VSIG10L2: variants seen among roughly 807,000 people sequenced by gnomAD.
VSIG10L2 encodes V-set and immunoglobulin domain containing 10 like 2.
VSIG10L2 carries 56 observed loss-of-function variants against 67.1 expected under a neutral mutation model. The observed-to-expected ratio is 0.83, with a 90% CI of 0.67 to 1.04. The LOEUF (loss-of-function observed/expected upper bound fraction) is 1.04, where lower values mean the gene tolerates loss of function less well. Ranked by LOEUF, VSIG10L2 falls within the 50% of genes least tolerant of loss-of-function variation. The pLI, the probability that VSIG10L2 is intolerant of heterozygous loss-of-function variation, is 0.00. For missense variants in VSIG10L2, 843 were observed against 932.8 expected (o/e 0.90, Z 1.25); for synonymous variants, 360 against 396.6 (o/e 0.91, Z 1.10).
intron 6 of VSIG10L2, among the ~76,000 whole-genome samples, chr11:125,952,537 G>A (rs972207569): frequency 2.0e-5 from 3 of 152,128 alleles, no homozygotes; most frequent in Non-Finnish European, 4.4e-5. Context: ...CCATATTGAC[G>A]TGGCTGGTCA....
chr11:125,955,552 A>G, intron 10 of VSIG10L2, 46 bp downstream of exon 10: 1 of 1,384,158 alleles, frequency 7.2e-7, no homozygotes, highest in Admixed American at 2.0e-5. Context: ...GCTTTCCTCC[A>G]GTTGGAAAGG....
At position 125,954,184 on chromosome 11, in the gene VSIG10L2, C is replaced by T; in HGVS notation, c.1884C>T (p.Asn628=). Reference sequence around the variant, plus strand: ...AATGGGCCATCTTAGGACCCGGGAACCTGACGGGCTTCCTGGTGCAGCGGA... The same window carrying T: ...AATGGGCCATCTTAGGACCCGGGAATCTGACGGGCTTCCTGGTGCAGCGGA... ...QLQWAILGPG[N]LTGFLVQRKA... Residue 628 remains asparagine, a synonymous_variant, in exon 8 of 12, where the codon AAC becomes AAT. Coordinates refer to ENST00000686984, the MANE Select transcript of VSIG10L2 (RefSeq NM_001365077.2). The T allele has an allele frequency of 1.6e-6, 2 of 1,232,258 alleles. No homozygotes were observed. Among genetic ancestry groups the T allele is most frequent in the Non-Finnish European group, 2.0e-6 (2 of 988,036 alleles). The allele number at this position is 1,232,258 out of a possible 1,614,324, so 76.3% of individuals were successfully genotyped here. A position where few individuals can be genotyped will look rare whatever the true frequency, so the allele number is the denominator to read the frequency against.
At chr11:125,955,553 G>C in intron 10 of VSIG10L2, 47 bp downstream of exon 10, 1 of 1,401,572 alleles carries the variant, frequency 7.1e-7, no homozygotes, top group Non-Finnish European at 9.7e-7. Context: ...CTTTCCTCCA[G>C]TTGGAAAGGA....
intron 6 of VSIG10L2, among the ~76,000 whole-genome samples, chr11:125,952,899 C>A (rs1267876493): frequency 6.6e-6 from 1 of 152,208 alleles, no homozygotes; most frequent in Non-Finnish European, 1.5e-5. Flanking sequence ...AGGTCTCAAC[C>A]CCAAATATTT....
At chr11:125,951,512 G>A (rs1201674700) in intron 5 of VSIG10L2, among the ~76,000 whole-genome samples, 2 of 152,234 alleles carry the variant, frequency 1.3e-5, no homozygotes, top group African/African-American at 4.8e-5. Context: ...TGTGCAGAGA[G>A]AAACTCCCAG....
intron 9 of VSIG10L2, 24 bp downstream of exon 9, chr11:125,955,203 G>T: frequency 8.0e-7 from 1 of 1,256,106 alleles, no homozygotes; most frequent in Non-Finnish European, 1.0e-6. Flanking sequence ...GGAAGGGACG[G>T]GCTGCTTGAC....
rs1945404200 is a variant in VSIG10L2, at chr11:125,953,387, T to G, written c.1496-13T>G. 6 of 1,232,404 alleles carry G rather than the reference T, an allele frequency of 4.9e-6. No individual in the cohort carries two copies. The highest frequency in any genetic ancestry group is 6.1e-6 in the Non-Finnish European group (6 of 988,224). The allele number at this position is 1,232,404 out of a possible 1,614,324, so 76.3% of individuals were successfully genotyped here. ...CCTCCCACTAGCCGGCCTCATCCTC[T>G]CTGTCCCCGCAGAAGCCCCACAGCT... On this transcript the variant is annotated splice_polypyrimidine_tract_variant and intron_variant, in intron 6 of 11. Transcript: ENST00000686984.
intron 6 of VSIG10L2, 122 bp from the exon 7 acceptor site, chr11:125,953,278 C>A: frequency 1.2e-6 from 1 of 820,266 alleles, no homozygotes; most frequent in Non-Finnish European, 1.6e-6. Context: ...TGGCCCCAGA[C>A]AAGCCTCATT....
intron 4 of VSIG10L2, among the ~76,000 whole-genome samples, 187 bp from the exon 5 acceptor site, chr11:125,950,723 C>G (rs1209605309): frequency 1.3e-5 from 2 of 152,086 alleles, no homozygotes; most frequent in South Asian, 2.1e-4. Flanking sequence ...AACCTCCTGC[C>G]CCTGACCTGA....
rs1378922189 is a variant in VSIG10L2, at chr11:125,947,698, C to T, written c.95C>T (p.Pro32Leu). Residue 32 changes from proline to leucine, a missense_variant, in exon 2 of 12, where the codon CCG (proline) becomes CTG (leucine). Coordinates refer to ENST00000686984, the MANE Select transcript of VSIG10L2 (RefSeq NM_001365077.2). ...LHLRASGQPH[P>L]TPEAPVEEVV... ...CTTCTCTCCCCAGGCCAGCCCCACC[C>T]GACCCCCGAGGCCCCTGTAGAGGAG... is the stretch of plus-strand genomic sequence containing the variant. 4 of 1,232,364 alleles carry T rather than the reference C, an allele frequency of 3.2e-6. No homozygotes were observed. The highest frequency in any genetic ancestry group is 3.1e-4 in the Middle Eastern group (1 of 3,214). 76.3% of individuals were successfully genotyped at this position (1,232,364 alleles called of 1,614,324 possible).
chr11:125,950,562 C>T (rs544956772), intron 4 of VSIG10L2, among the ~76,000 whole-genome samples: 3 of 152,242 alleles, frequency 2.0e-5, no homozygotes, highest in African/African-American at 7.2e-5. Flanking sequence ...CATGGCCCTG[C>T]GGACTGAACT....
intron 3 of VSIG10L2, among the ~76,000 whole-genome samples, chr11:125,949,693 G>C (rs1945339934): frequency 1.3e-5 from 2 of 152,174 alleles, no homozygotes; most frequent in African/African-American, 4.8e-5. Context: ...CCGAATGTCT[G>C]CTTCCAAGAG....
chr11:125,948,341 C>T lies in VSIG10L2; in HGVS notation c.470C>T (p.Pro157Leu), dbSNP rs1945322163. The T allele has an allele frequency of 3.2e-6, 4 of 1,232,576 alleles. No individual in the cohort carries two copies. The highest frequency in any genetic ancestry group is 3.1e-4 in the Middle Eastern group (1 of 3,212). 76.4% of individuals were successfully genotyped at this position (1,232,576 alleles called of 1,614,324 possible). Residue 157 changes from proline (P) to leucine (L), a missense_variant, in exon 3 of 12, where the codon CCG (proline) becomes CTG (leucine). Physicochemically the swap from Pro to Leu is moderately conservative, Grantham distance 98. Coordinates refer to ENST00000686984, the MANE Select transcript of VSIG10L2 (RefSeq NM_001365077.2). Reference protein sequence around the residue: ...VSKPQVRLSNPSPVEGASVVA... With the variant: ...VSKPQVRLSNLSPVEGASVVA... ...AAGCCTCAAGTGCGACTGAGTAACC[C>T]GTCCCCTGTGGAGGGAGCCTCCGTG... is the stretch of plus-strand genomic sequence containing the variant.
chr11:125,949,626 G>C (rs1945339164), intron 3 of VSIG10L2, among the ~76,000 whole-genome samples: 1 of 152,124 alleles, frequency 6.6e-6, no homozygotes, highest in Admixed American at 6.5e-5. Flanking sequence ...GTGGCTGCTG[G>C]GATAGGGTTC....
Position 125,948,341 on chromosome 11 carries a change from C to G in VSIG10L2, c.470C>G (p.Pro157Arg), listed in dbSNP as rs1945322163. 2 of 1,232,576 alleles carry G rather than the reference C, an allele frequency of 1.6e-6. No homozygotes were observed. The highest frequency in any genetic ancestry group is 1.0e-6 in the Non-Finnish European group (1 of 988,332). The allele number at this position is 1,232,576 out of a possible 1,614,324, so 76.4% of individuals were successfully genotyped here. ...VSKPQVRLSN[P>R]SPVEGASVVA... ...AAGCCTCAAGTGCGACTGAGTAACC[C>G]GTCCCCTGTGGAGGGAGCCTCCGTG... Residue 157 changes from proline (P) to arginine (R), a missense_variant, in exon 3 of 12, where the codon CCG becomes CGG. Pro to Arg is a moderately radical substitution (Grantham distance 103, BLOSUM62 -2). Coordinates refer to ENST00000686984, the MANE Select transcript of VSIG10L2 (RefSeq NM_001365077.2).
At position 125,955,941 on chromosome 11, in the gene VSIG10L2, C is replaced by A; in HGVS notation, c.*27C>A. On this transcript the variant is annotated 3_prime_UTR_variant, in exon 12 of 12. Transcript: ENST00000686984. ...GCCCAAAGAGGAAGATGCAAATAGG[C>A]TTAGGGAGGGCAGGTGGGATTTGGG... 1 of 644,082 alleles carries A rather than the reference C, an allele frequency of 1.6e-6. No individual in the cohort carries two copies. 39.9% of individuals were successfully genotyped at this position (644,082 alleles called of 1,614,324 possible).
intron 3 of VSIG10L2, 29 bp downstream of exon 3, chr11:125,948,609 C>T (rs1591528777): frequency 8.9e-6 from 11 of 1,231,700 alleles, no homozygotes; most frequent in Non-Finnish European, 1.1e-5. Flanking sequence ...GGGGGGCTGT[C>T]AGGGCTGACA....
At chr11:125,948,639 T>G (rs1945325496) in intron 3 of VSIG10L2, 59 bp downstream of exon 3, 1 of 1,229,016 alleles carries the variant, frequency 8.1e-7, no homozygotes. Context: ...CCATCCACAC[T>G]CAGCCTTCCA....
In VSIG10L2 at chr11:125,946,243, G is replaced by T. The variant is rs118138546; in HGVS notation, c.82+106G>T. 1 of 397,560 alleles carries T rather than the reference G, an allele frequency of 2.5e-6. No individual in the cohort carries two copies. The highest frequency in any genetic ancestry group is 4.4e-6 in the Non-Finnish European group (1 of 225,588). The allele number at this position is 397,560 out of a possible 1,614,324, so 24.6% of individuals were successfully genotyped here. A position where few individuals can be genotyped will look rare whatever the true frequency, so the allele number is the denominator to read the frequency against. On this transcript the variant is annotated intron_variant, in intron 1 of 11. Transcript: ENST00000686984. The surrounding 1 kb of genome is among the most constrained non-coding windows in gnomAD (Gnocchi z 4.4). ...TTTTGCACTCCATTCCATGAAGTCC[G>T]TTCAGTCATTCATCGGCTAGACATT...
Sources: allele counts gnomAD v4.1 joint callset (sites outside exome capture counted in the v4.1 genomes callset), GRCh38; gene constraint gnomAD v4.1.1; non-coding constraint Gnocchi (gnomAD v3.1); transcripts MANE v1.5; gene names NCBI Gene and HGNC (gene_info 2026-07-23, HGNC 2026-07-21).